The following NTNG1 variants were observed in gnomAD, a reference collection of about 807,000 sequenced individuals.
NTNG1 encodes netrin-G1.
A neutral mutation model predicts 54.0 loss-of-function variants in NTNG1; 16 were observed. The ratio of observed to expected loss-of-function variants is 0.30; its 90% confidence interval spans 0.20 to 0.45. The LOEUF is 0.45. Among genes scored for constraint, NTNG1 ranks in the 20% least tolerant of loss-of-function variants. NTNG1 has a pLI of 1.00. For missense variants in NTNG1, 530 were observed against 678.7 expected, an observed-to-expected ratio of 0.78 and a Z score of 2.43; for synonymous variants, 255 against 263.1, an observed-to-expected ratio of 0.97 and a Z score of 0.30.
At chr1:107,172,227 C>T (rs879555574) in intron 2 of NTNG1, among the ~76,000 whole-genome samples, 2 of 152,222 alleles carry the variant, frequency 1.3e-5, no homozygotes, top group Middle Eastern at 3.4e-3. Flanking sequence ...TTGTCTATCA[C>T]GACAAAGCTA....
intron 7 of NTNG1, among the ~76,000 whole-genome samples, chr1:107,477,018 G>A (rs778938381): frequency 1.3e-5 from 2 of 152,240 alleles, no homozygotes; most frequent in Non-Finnish European, 2.9e-5. Context: ...ACAGGATACT[G>A]AAGTAATTCC....
At chr1:107,303,749 C>G (rs115693025) in intron 2 of NTNG1, among the ~76,000 whole-genome samples, 1 of 152,014 alleles carries the variant, frequency 6.6e-6, no homozygotes. Context: ...TGCAGTGGAA[C>G]GATCTCGGCT....
chr1:107,480,780 C>A lies in NTNG1; in HGVS notation c.1560C>A (p.Gly520=). The change falls in exon 8 of 8, where the codon GGC becomes GGA. Residue 520 remains glycine, a synonymous_variant. Coordinates refer to ENST00000370068, the MANE Select transcript of NTNG1 (RefSeq NM_001113226.3). Reference sequence around the variant, plus strand: ...CTGGCCAGGGCGCGCCCCCGCACGGCTCCCCAGCGCTGCTGCTGCTGACCA... The same window carrying A: ...CTGGCCAGGGCGCGCCCCCGCACGGATCCCCAGCGCTGCTGCTGCTGACCA... ...SDSGQGAPPH[G]SPALLLLTTL... is the part of the protein sequence containing the mutation. 6.3e-7 allele frequency: 1 copy of A among 1,598,428 alleles called. No individual in the cohort carries two copies. The highest frequency in any genetic ancestry group is 8.5e-7 in the Non-Finnish European group (1 of 1,173,920).
Position 107,283,496 on chromosome 1 carries a change from A to T in NTNG1, c.247-40786A>T, listed in dbSNP as rs543983556. ...GTGCAAATAACCTTGTTAGTTTGTCACTTTATTCATTTTCAATTTTCCAAG... is the reference window on the plus strand; with the variant it reads ...GTGCAAATAACCTTGTTAGTTTGTCTCTTTATTCATTTTCAATTTTCCAAG... On this transcript the variant is annotated intron_variant, in intron 2 of 7. Transcript: ENST00000370068. Among the ~76,000 whole-genome samples, 4 of 152,290 alleles carry T rather than the reference A, an allele frequency of 2.6e-5. No individual in the cohort carries two copies. In the East Asian group the frequency reaches 7.7e-4, roughly 29 times the overall value.
chr1:107,385,182 C>T (rs1557953575), intron 3 of NTNG1, among the ~76,000 whole-genome samples: 1 of 152,158 alleles, frequency 6.6e-6, no homozygotes, highest in East Asian at 1.9e-4. Flanking sequence ...GGAAGACAGA[C>T]TCACGTTAAC....
intron 2 of NTNG1, among the ~76,000 whole-genome samples, chr1:107,202,635 A>G (rs150820920): frequency 2.5e-4 from 38 of 151,522 alleles, no homozygotes; most frequent in African/African-American, 8.7e-4. Context: ...CCACTGTTTT[A>G]TTGGTTACAA....
At chr1:107,388,483 AC>A (rs1351675676) in intron 3 of NTNG1, among the ~76,000 whole-genome samples, 1 of 152,236 alleles carries the variant, frequency 6.6e-6, no homozygotes, top group Admixed American at 6.5e-5. Context: ...GATTCAGAAC[AC>A]TTTAATATTC....
At chr1:107,468,584 A>G (rs961913111) in intron 7 of NTNG1, among the ~76,000 whole-genome samples, 1 of 152,204 alleles carries the variant, frequency 6.6e-6, no homozygotes, top group Admixed American at 6.5e-5. Context: ...GAGTTCTTCT[A>G]TGTTCCCATA....
intron 3 of NTNG1, among the ~76,000 whole-genome samples, chr1:107,376,417 C>CA (rs59015235): frequency 0.26 from 38,034 of 147,902 alleles, 5,146 homozygotes; most frequent in South Asian, 0.31. Context: ...CAAAACAAAA[C>CA]AAAAAAAAAA....
chr1:107,212,486 G>T (rs1373077595), intron 2 of NTNG1, among the ~76,000 whole-genome samples: 1 of 152,070 alleles, frequency 6.6e-6, no homozygotes, highest in African/African-American at 2.4e-5. Context: ...GGTCCTTTTG[G>T]CTCCAAAATC....
At chr1:107,414,254 G>A in intron 5 of NTNG1, among the ~76,000 whole-genome samples, 1 of 152,100 alleles carries the variant, frequency 6.6e-6, no homozygotes, top group East Asian at 1.9e-4. Context: ...TCCTTCCAGA[G>A]TCCAATTTTT....
intron 7 of NTNG1, among the ~76,000 whole-genome samples, chr1:107,458,029 C>G (rs1356818831): frequency 6.6e-6 from 1 of 152,118 alleles, no homozygotes; most frequent in East Asian, 1.9e-4. Flanking sequence ...CTCATTTGCT[C>G]TAATAGCCCA....
At chr1:107,468,512 G>T (rs748375384) in intron 7 of NTNG1, among the ~76,000 whole-genome samples, 3 of 152,170 alleles carry the variant, frequency 2.0e-5, no homozygotes, top group Non-Finnish European at 4.4e-5. Flanking sequence ...ACTGTATGGG[G>T]TTGGAAAGAT....
At chr1:107,280,034 G>GGTGTGT (rs58563513) in intron 2 of NTNG1, among the ~76,000 whole-genome samples, 3,814 of 146,512 alleles carry the variant, frequency 0.026, 69 homozygotes, top group South Asian at 0.049. Context: ...TTCCTTTGTT[G>GGTGTGT]GTGTGTGTGT....
At chr1:107,169,072 T>C (rs1300112183) in intron 2 of NTNG1, among the ~76,000 whole-genome samples, 1 of 152,196 alleles carries the variant, frequency 6.6e-6, no homozygotes, top group Non-Finnish European at 1.5e-5. Context: ...TCTTTTTTCT[T>C]GAATTTATAG....
intron 2 of NTNG1, among the ~76,000 whole-genome samples, chr1:107,245,944 T>C (rs1030768241): frequency 1.3e-5 from 2 of 152,240 alleles, no homozygotes; most frequent in Non-Finnish European, 2.9e-5. Flanking sequence ...TGTAATTCTC[T>C]TATTAAAACA....
intron 5 of NTNG1, among the ~76,000 whole-genome samples, chr1:107,413,329 A>G (rs1673965763): frequency 6.6e-6 from 1 of 151,692 alleles, no homozygotes; most frequent in South Asian, 2.1e-4. Flanking sequence ...CACACGGCTA[A>G]TTTTGTTTTT....
intron 7 of NTNG1, among the ~76,000 whole-genome samples, chr1:107,446,515 G>GA (rs993903638): frequency 1.8e-4 from 27 of 152,120 alleles, no homozygotes; most frequent in African/African-American, 5.8e-4. Flanking sequence ...TGTTCACAGG[G>GA]AAAAAATACA....
At chr1:107,184,524 T>G (rs1657309695) in intron 2 of NTNG1, among the ~76,000 whole-genome samples, 2 of 152,060 alleles carry the variant, frequency 1.3e-5, no homozygotes, top group African/African-American at 4.8e-5. Context: ...CATTTTATGG[T>G]GTATCTCTCA....
Sources: allele counts gnomAD v4.1 joint callset (sites outside exome capture counted in the v4.1 genomes callset), GRCh38; gene constraint gnomAD v4.1.1; transcripts MANE v1.5; gene names NCBI Gene and HGNC (gene_info 2026-07-23, HGNC 2026-07-21).